The following DCHS2 variants were observed in gnomAD, a reference collection of about 807,000 sequenced individuals.
The protein encoded by DCHS2 is protocadherin-23.
Under a neutral mutation model 182.4 loss-of-function variants are expected in DCHS2, and 142 were observed. That is an observed-to-expected ratio of 0.78 (90% CI 0.68 to 0.89). The LOEUF (loss-of-function observed/expected upper bound fraction) is 0.89. Among genes scored for constraint, DCHS2 ranks in the 40% least tolerant of loss-of-function variants. The probability of loss-of-function intolerance (pLI) is 0.00; values close to 1 mark genes in which losing one functional copy is unlikely to be tolerated. For synonymous variants in DCHS2, 1,740 were observed against 1,663.3 expected (o/e 1.05, Z -1.12); for missense variants, 4,319 against 4,198.6 (o/e 1.03, Z -0.79).
rs1578830556 is a variant in DCHS2, at chr4:154,234,822, G to A, written c.9830C>T (p.Pro3277Leu). 1.2e-6 allele frequency: 2 copies of A among 1,613,836 alleles called. No homozygotes were observed. The highest frequency in any genetic ancestry group is 1.1e-5 in the South Asian group (1 of 91,076). ...GGCTACTGCTGTTATCAAAGGGGGT[G>A]GAAAAACAAAAGATTTCTTCTCTTT... Reference protein sequence around the residue: ...IPKEKKSFVFPPPLITAVAQP... With the variant: ...IPKEKKSFVFLPPLITAVAQP... Residue 3277 changes from proline (P) to leucine (L), a missense_variant, in exon 20 of 20, where the codon CCA (proline) becomes CTA (leucine). By Grantham distance (98) the Pro-to-Leu change is moderately conservative (BLOSUM62 -3). Coordinates refer to ENST00000357232, the MANE Select transcript of DCHS2 (RefSeq NM_001358235.2).
At chr4:154,391,140 C>T (rs776241410) in intron 1 of DCHS2, 3 of 1,597,594 alleles carry the variant, frequency 1.9e-6, no homozygotes, top group Non-Finnish European at 2.6e-6. Flanking sequence ...AAAGCTGATA[C>T]TTATTTTTAA....
At chr4:154,344,126 T>A (rs1436390670) in intron 3 of DCHS2, among the ~76,000 whole-genome samples, 3 of 152,128 alleles carry the variant, frequency 2.0e-5, no homozygotes, top group African/African-American at 7.2e-5. Context: ...TAGCAGTCTT[T>A]CATGGCCATG....
rs770000457 is a variant in DCHS2 at position 154,315,868 on chromosome 4, C to G, written c.5140G>C (p.Val1714Leu). The change falls in exon 10 of 20, where the codon GTT becomes CTT. Residue 1714 changes from valine (V) to leucine (L), a missense_variant. By Grantham distance (32) the Val-to-Leu change is conservative (BLOSUM62 1). Coordinates refer to ENST00000357232, the MANE Select transcript of DCHS2 (RefSeq NM_001358235.2). The part of the protein sequence containing the change: ...LSSSQTLTVT[V>L]LDVNDEAPVF... ...GGAGCTTCATCATTTACATCAAGAA[C>G]AGTAACTGTCAAAGTCTGGGATGAA... 2 of 1,613,960 alleles carry G rather than the reference C, an allele frequency of 1.2e-6. No homozygotes were observed. The highest frequency in any genetic ancestry group is 1.1e-5 in the South Asian group (1 of 91,072).
chr4:154,441,626 T>TTA (rs1553952830), intron 1 of DCHS2, among the ~76,000 whole-genome samples: 2 of 149,644 alleles, frequency 1.3e-5, no homozygotes, highest in Non-Finnish European at 3.0e-5. Context: ...TTCCCTGAAT[T>TTA]AAAAAAAAAA....
At position 154,366,410 on chromosome 4, in the gene DCHS2, A is replaced by G. The variant is rs376306270; in HGVS notation, c.2276T>C (p.Val759Ala). ...GGLSAQAFVR[V>A]DLEDVNDNHP... ...ATTATCATTCACGTCCTCCAGGTCC[A>G]CACGAACAAAGGCTTGGGCACTTAG... Residue 759 changes from valine to alanine, a missense_variant, in exon 3 of 20, where the codon GTG becomes GCG. Physicochemically the swap from Val to Ala is moderately conservative, Grantham distance 64. Transcript: ENST00000357232. 26 of 1,613,692 alleles carry G rather than the reference A, an allele frequency of 1.6e-5. No homozygotes were observed. The Admixed American group carries it at 1.8e-4, about 11-fold the overall frequency.
intron 15 of DCHS2, among the ~76,000 whole-genome samples, chr4:154,258,053 TCC>T (rs1323017666): frequency 6.6e-6 from 1 of 152,192 alleles, no homozygotes; most frequent in Non-Finnish European, 1.5e-5. Context: ...GCATCTGCCA[TCC>T]CCACTGATCA....
At position 154,320,814 on chromosome 4, in the gene DCHS2, C is replaced by A. The variant is rs754641291; in HGVS notation, c.4585G>T (p.Val1529Leu). 1 of 1,614,002 alleles carries A rather than the reference C, an allele frequency of 6.2e-7. No individual in the cohort carries two copies. The highest frequency in any genetic ancestry group is 1.1e-5 in the South Asian group (1 of 91,076). ...TCATCTTTGGCATTGAAGACATACACCAGGGTTCCTATGGGAACATTCTCC... is the reference window on the plus strand; with the variant it reads ...TCATCTTTGGCATTGAAGACATACAACAGGGTTCCTATGGGAACATTCTCC... ...VEENVPIGTL[V>L]YVFNAKDDDG... Residue 1529 changes from valine (V) to leucine (L), a missense_variant, in exon 9 of 20, where the codon GTG becomes TTG. Physicochemically the swap from Val to Leu is conservative, Grantham distance 32. Transcript: ENST00000357232.
chr4:154,367,105 G>A (rs1347195693), intron 2 of DCHS2, among the ~76,000 whole-genome samples: 1 of 152,150 alleles, frequency 6.6e-6, no homozygotes, highest in Non-Finnish European at 1.5e-5. Context: ...TCTCAGGCCT[G>A]CTCAGCCGCA....
rs145201469 is a variant in DCHS2, at chr4:154,382,926, T to C, written c.2053-5482A>G. ...AGAATGCAAATTAGTTCAGCCACTG[T>C]GGAAAGAAGGATGGAGATTTATTAA... is the stretch of plus-strand genomic sequence containing the variant. On this transcript the variant is annotated intron_variant, in intron 1 of 19. Coordinates refer to ENST00000357232, the MANE Select transcript of DCHS2 (RefSeq NM_001358235.2). Among the ~76,000 whole-genome samples the C allele has an allele frequency of 3.1e-3, 469 of 152,278 alleles. 1 individual carries two copies. Among genetic ancestry groups the C allele is most frequent in the African/African-American group, 0.011 (457 of 41,560 alleles).
intron 16 of DCHS2, among the ~76,000 whole-genome samples, chr4:154,244,102 T>G (rs999844934): frequency 5.3e-5 from 8 of 152,238 alleles, no homozygotes; most frequent in Non-Finnish European, 7.3e-5. Context: ...CTTTATGTAT[T>G]CGCATAGCAC....
In DCHS2 at chr4:154,334,923, A is replaced by G; in HGVS notation, c.2658T>C (p.Tyr886=). The G allele has an allele frequency of 6.2e-7, 1 of 1,614,232 alleles. No homozygotes were observed. Among genetic ancestry groups the G allele is most frequent in the Non-Finnish European group, 8.5e-7 (1 of 1,180,036 alleles). ...FERPKYTFLV[Y]EDVPEDSPIG... is the part of the protein sequence containing the mutation. The stretch of plus-strand genomic sequence containing the variant: ...TGGGACTATCTTCAGGCACATCTTC[A>G]TAAACTAAGAAAGTGTACTTAGGCC... Residue 886 remains tyrosine (Y), a synonymous_variant, in exon 4 of 20, where the codon TAT becomes TAC. Coordinates refer to ENST00000357232, the MANE Select transcript of DCHS2 (RefSeq NM_001358235.2).
Position 154,333,505 on chromosome 4 carries a change from G to C in DCHS2, c.2714-11C>G. The C allele has an allele frequency of 1.3e-6, 2 of 1,598,604 alleles. No individual in the cohort carries two copies. The highest frequency in any genetic ancestry group is 1.7e-6 in the Non-Finnish European group (2 of 1,169,472). ...TTGGTTCTGAGGAGTCTGAAAAAGA[G>C]AGAGGGGACAACCACTGTATGTCAA... On this transcript the variant is annotated splice_polypyrimidine_tract_variant and intron_variant, in intron 4 of 19. Coordinates refer to ENST00000357232, the MANE Select transcript of DCHS2 (RefSeq NM_001358235.2).
At chr4:154,346,668 T>C (rs1476826182) in intron 3 of DCHS2, among the ~76,000 whole-genome samples, 3 of 151,938 alleles carry the variant, frequency 2.0e-5, no homozygotes, top group Non-Finnish European at 4.4e-5. Flanking sequence ...TGAAAAGTCA[T>C]TTATTGAGCT....
intron 16 of DCHS2, among the ~76,000 whole-genome samples, chr4:154,253,268 C>A (rs1418041390): frequency 2.0e-5 from 3 of 151,584 alleles, no homozygotes; most frequent in Admixed American, 2.0e-4. Flanking sequence ...TTTCTCAGTT[C>A]CTGCTTCTTC....
intron 1 of DCHS2, among the ~76,000 whole-genome samples, chr4:154,412,577 AGTAG>A (rs1367795207): frequency 2.2e-4 from 33 of 152,276 alleles, no homozygotes; most frequent in Admixed American, 1.1e-3. Flanking sequence ...CTTGATAAGC[AGTAG>A]GTTGTCCAGT....
At chr4:154,343,574 C>G (rs1372498260) in intron 3 of DCHS2, 8 of 1,526,824 alleles carry the variant, frequency 5.2e-6, no homozygotes, top group Non-Finnish European at 7.0e-6. Flanking sequence ...GGCGTCTTCC[C>G]TTAAACCTCA....
intron 3 of DCHS2, chr4:154,357,315 C>A (rs531065674): frequency 6.2e-7 from 1 of 1,608,920 alleles, no homozygotes; most frequent in Admixed American, 1.7e-5. Context: ...TACCTCTGGA[C>A]TATAGAGTCC....
chr4:154,245,159 G>T (rs1176556743), intron 16 of DCHS2, among the ~76,000 whole-genome samples: 1 of 152,098 alleles, frequency 6.6e-6, no homozygotes, highest in Non-Finnish European at 1.5e-5. Context: ...AAAATATGAA[G>T]GTAGATGTGC....
chr4:154,441,212 T>C (rs1733998466), intron 1 of DCHS2, among the ~76,000 whole-genome samples: 1 of 152,222 alleles, frequency 6.6e-6, no homozygotes, highest in Non-Finnish European at 1.5e-5. Flanking sequence ...TTTGGTCATA[T>C]TTTAAAACTG....
Sources: gnomAD v4.1 joint callset for allele counts (sites outside exome capture counted in the v4.1 genomes callset) on GRCh38, gnomAD v4.1.1 for gene constraint, MANE v1.5 for transcripts, NCBI Gene and HGNC (gene_info 2026-07-23, HGNC 2026-07-21) for gene names.